The following FBXL18 variants were observed in gnomAD, a reference collection of about 807,000 sequenced individuals.
The protein encoded by FBXL18 is F-box/LRR-repeat protein 18.
Under a neutral mutation model 46.0 loss-of-function variants are expected in FBXL18, and 36 were observed. The observed-to-expected ratio is 0.78, with a 90% CI of 0.60 to 1.03. The LOEUF (loss-of-function observed/expected upper bound fraction) is 1.03. Ranked by LOEUF, FBXL18 falls within the 50% of genes least tolerant of loss-of-function variation. The pLI, the probability that FBXL18 is intolerant of heterozygous loss-of-function variation, is 0.00. For missense variants in FBXL18, 977 were observed against 1,004.1 expected (o/e 0.97, Z 0.36); for synonymous variants, 557 against 465.3 (o/e 1.20, Z -2.54).
chr7:5,503,371 G>A (rs1010107822), intron 2 of FBXL18, among the ~76,000 whole-genome samples: 10 of 152,134 alleles, frequency 6.6e-5, no homozygotes, highest in Admixed American at 6.6e-4. Context: ...TCTGTTTTTT[G>A]AGACAAGGTC....
intron 4 of FBXL18, among the ~76,000 whole-genome samples, chr7:5,466,611 C>T (rs1317492125): frequency 1.3e-5 from 2 of 152,218 alleles, no homozygotes; most frequent in African/African-American, 4.8e-5. Flanking sequence ...TCTCAAGGTC[C>T]GCTGATCCGC....
intron 2 of FBXL18, among the ~76,000 whole-genome samples, chr7:5,504,631 C>A (rs1784347285): frequency 7.0e-6 from 1 of 143,200 alleles, no homozygotes; most frequent in South Asian, 2.5e-4. Context: ...AGATTCATTA[C>A]CAGGCCGGGT....
chr7:5,483,097 C>T (rs1399481961), intron 4 of FBXL18, among the ~76,000 whole-genome samples: 1 of 151,468 alleles, frequency 6.6e-6, no homozygotes, highest in Non-Finnish European at 1.5e-5. Context: ...AGTGCCAGCC[C>T]GGGAGCTCCA....
chr7:5,471,567 C>T (rs1365089398), downstream of FBXL18, among the ~76,000 whole-genome samples: 1 of 152,164 alleles, frequency 6.6e-6, no homozygotes, highest in Middle Eastern at 3.4e-3. Flanking sequence ...CCCGCCATCA[C>T]GCCCGGCTAA....
Position 5,488,601 on chromosome 7 carries a change from C to T in FBXL18, c.2000+2630G>A, listed in dbSNP as rs61080207. ...CTCACAGGCAACAGAAGAGAGGCAA[C>T]GCCCACTCCCAAGTCCCTTCAACAA... On this transcript the variant is annotated intron_variant, in intron 4 of 4. Transcript: ENST00000382368. Among the ~76,000 whole-genome samples the T allele has an allele frequency of 1.7e-3, 259 of 152,354 alleles. 1 individual carries two copies. Among genetic ancestry groups the T allele is most frequent in the African/African-American group, 5.8e-3 (243 of 41,582 alleles).
downstream of FBXL18, among the ~76,000 whole-genome samples, chr7:5,471,801 G>T (rs191421915): frequency 6.6e-6 from 1 of 152,196 alleles, no homozygotes; most frequent in Non-Finnish European, 1.5e-5. Flanking sequence ...CCTCCCTGGC[G>T]TAGTGCCCCC....
intron 1 of FBXL18, among the ~76,000 whole-genome samples, chr7:5,508,024 T>A (rs1322911990): frequency 6.6e-6 from 1 of 151,950 alleles, no homozygotes; most frequent in Non-Finnish European, 1.5e-5. Context: ...ATCCCAGCAC[T>A]TTGGGAGGCC....
Position 5,480,527 on chromosome 7 carries a change from A to AATATATATATATATATATAT in FBXL18, c.*1228_*1247dup, listed in dbSNP as rs770993214. On this transcript the variant is annotated 3_prime_UTR_variant, in exon 5 of 5. Coordinates refer to ENST00000382368, the MANE Select transcript of FBXL18 (RefSeq NM_024963.6). ...CAAGTGATCCTCCCAAAGTGTGTTG[A>AATATATATATATATATATAT]ATATATATATATATATATATATTTT... 2.1e-4 allele frequency: 14 copies of AATATATATATATATATATAT among 68,088 alleles called. No individual in the cohort carries two copies. The highest frequency in any genetic ancestry group is 5.8e-4 in the African/African-American group (9 of 15,506). The allele number at this position is 68,088 out of a possible 1,614,324, so 4.2% of individuals were successfully genotyped here.
At chr7:5,495,710 G>A (rs944526892) in intron 3 of FBXL18, 5 of 392,640 alleles carry the variant, frequency 1.3e-5, no homozygotes, top group East Asian at 8.7e-5. Flanking sequence ...GGATCCCAGC[G>A]CCGTTTCCTC....
At chr7:5,485,077 C>A (rs1212887372) in intron 4 of FBXL18, among the ~76,000 whole-genome samples, 1 of 152,196 alleles carries the variant, frequency 6.6e-6, no homozygotes, top group Non-Finnish European at 1.5e-5. Context: ...CCATGGCACC[C>A]AGCCAGGATT....
chr7:5,507,962 GTC>G (rs1266891906), intron 1 of FBXL18, among the ~76,000 whole-genome samples: 4 of 151,606 alleles, frequency 2.6e-5, no homozygotes, highest in Non-Finnish European at 5.9e-5. Flanking sequence ...GTGAAACCCT[GTC>G]TCTACTAAAA....
At chr7:5,489,754 G>C (rs963334178) in intron 4 of FBXL18, 4 of 269,690 alleles carry the variant, frequency 1.5e-5, no homozygotes, top group Non-Finnish European at 1.5e-5. Flanking sequence ...ACTCCAGCCT[G>C]GGCGACAGAG....
intron 4 of FBXL18, among the ~76,000 whole-genome samples, chr7:5,490,943 A>G (rs927954087): frequency 6.6e-6 from 1 of 152,224 alleles, no homozygotes; most frequent in East Asian, 1.9e-4. Flanking sequence ...TGGGCAACAC[A>G]GTGAGACTCC....
At chr7:5,510,610 CG>C (rs1323383617) in intron 1 of FBXL18, among the ~76,000 whole-genome samples, 1 of 147,852 alleles carries the variant, frequency 6.8e-6, no homozygotes, top group Non-Finnish European at 1.5e-5. Flanking sequence ...CACCTGAACC[CG>C]GGAAGTGGTG....
chr7:5,498,776 T>C (rs773445835), intron 3 of FBXL18, among the ~76,000 whole-genome samples: 20 of 152,148 alleles, frequency 1.3e-4, no homozygotes, highest in Non-Finnish European at 2.1e-4. Flanking sequence ...TTTTACCATG[T>C]TGGCCAGACT....
Position 5,501,454 on chromosome 7 carries a change from C to A in FBXL18, c.815G>T (p.Ser272Ile), listed in dbSNP as rs1191297159. 6.2e-7 allele frequency: 1 copy of A among 1,613,118 alleles called. No homozygotes were observed. The highest frequency in any genetic ancestry group is 1.7e-4 in the Middle Eastern group (1 of 6,052). ...LHAFLISVPG[S>I]FAESGATKNL... is the part of the protein sequence containing the mutation. ...CTTGGTGGCGCCGCTCTCCGCGAAGCTGCCAGGGACGGAGATGAGGAAGGC... is the reference window on the plus strand; with the variant it reads ...CTTGGTGGCGCCGCTCTCCGCGAAGATGCCAGGGACGGAGATGAGGAAGGC... The change falls in exon 3 of 5, where the codon AGC (serine) becomes ATC (isoleucine). Residue 272 changes from serine to isoleucine, a missense_variant. Ser to Ile is a moderately radical substitution (Grantham distance 142). Transcript: ENST00000382368.
At chr7:5,460,208 C>T (rs984932217) in intron 4 of FBXL18, among the ~76,000 whole-genome samples, 5 of 151,988 alleles carry the variant, frequency 3.3e-5, no homozygotes, top group Admixed American at 2.0e-4. Context: ...GAGCCAAGAT[C>T]GCACTTCAGC....
At chr7:5,493,011 TG>T (rs1344448784) in intron 3 of FBXL18, among the ~76,000 whole-genome samples, 1 of 152,098 alleles carries the variant, frequency 6.6e-6, no homozygotes, top group African/African-American at 2.4e-5. Context: ...GCCACAGGCA[TG>T]GAGATTCTTC....
rs769475583 is a variant in FBXL18 at position 5,513,677 on chromosome 7, CG to C, written c.-4del. The C allele has an allele frequency of 9.3e-6, 15 of 1,605,832 alleles. No homozygotes were observed. In the African/African-American group the frequency reaches 1.3e-4, roughly 14 times the overall value. ...AGTACCTCTCCGGAGCTGGCCATGT[CG>C]CCGGCGGGTCCGAACCGCGGCCGCG... On this transcript the variant is annotated 5_prime_UTR_variant, in exon 1 of 5. Transcript: ENST00000382368.
Sources: allele counts gnomAD v4.1 joint callset (sites outside exome capture counted in the v4.1 genomes callset), GRCh38; gene constraint gnomAD v4.1.1; transcripts MANE v1.5; gene names NCBI Gene and HGNC (gene_info 2026-07-23, HGNC 2026-07-21).